Variants in UBN2 observed in about 807,000 individuals in gnomAD.
UBN2 encodes ubinuclein-2.
UBN2 carries 35 observed loss-of-function variants against 120.2 expected under a neutral mutation model. That is an observed-to-expected ratio of 0.29 (90% confidence interval 0.22 to 0.39). The LOEUF is 0.39. UBN2 is among the 10% of genes least tolerant of loss of function. The pLI is 1.00. For missense variants in UBN2, 1,693 were observed against 1,663.2 expected, an observed-to-expected ratio of 1.02 and a Z score of -0.31; for synonymous variants, 661 against 648.7, an observed-to-expected ratio of 1.02 and a Z score of -0.29.
In UBN2 at chr7:139,263,191, T is replaced by C. The variant is rs184078109; in HGVS notation, c.1395+1450T>C. On this transcript the variant is annotated intron_variant, in intron 6 of 17. Transcript: ENST00000473989. The stretch of plus-strand genomic sequence containing the variant: ...ATCAAAATACACAAGACATCCGAAG[T>C]ATTTGCCTCATTTTGTGAATTTAGG... Among the ~76,000 whole-genome samples the C allele has an allele frequency of 6.6e-5, 10 of 152,340 alleles. No homozygotes were observed. The East Asian group carries it at 1.9e-3, about 29-fold the overall frequency.
rs748778664 is a variant in UBN2 at position 139,269,517 on chromosome 7, T to C, written c.1590T>C (p.Asn530=). The part of the protein sequence containing the change: ...LVKRLKKLHL[N]VQDDRLREPL... ...AACGTCTGAAGAAGTTACATCTCAA[T>C]GTCCAGGTAAGAGGAAGAACAATAA... The change falls in exon 8 of 18, where the codon AAT becomes AAC. Residue 530 remains asparagine (N), a synonymous_variant. Transcript: ENST00000473989. The C allele has an allele frequency of 6.2e-7, 1 of 1,613,902 alleles. No individual in the cohort carries two copies. Among genetic ancestry groups the C allele is most frequent in the Admixed American group, 1.7e-5 (1 of 59,966 alleles).
downstream of UBN2, among the ~76,000 whole-genome samples, chr7:139,310,840 A>C (rs1798438345): frequency 6.6e-6 from 1 of 152,178 alleles, no homozygotes; most frequent in Non-Finnish European, 1.5e-5. Context: ...GTTATCTTGG[A>C]GGTTATTTCA....
Position 139,283,754 on chromosome 7 carries a change from C to G in UBN2, c.2849C>G (p.Ser950Cys), listed in dbSNP as rs373781246. The part of the protein sequence containing the change: ...VSPLQATISK[S>C]QTNPVVKLSN... ...CCATTACAGGCCACCATCAGTAAATCCCAGACCAACCCCGTCGTGAAGTTA... is the reference window on the plus strand; with the variant it reads ...CCATTACAGGCCACCATCAGTAAATGCCAGACCAACCCCGTCGTGAAGTTA... The change falls in exon 15 of 18, where the codon TCC becomes TGC. Residue 950 changes from serine (S) to cysteine (C), a missense_variant. By Grantham distance (112) the Ser-to-Cys change is moderately radical (BLOSUM62 -1). This residue lies in a region of UBN2 where 837 missense variants were observed against 817.6 expected (regional missense o/e 1.02). Coordinates refer to ENST00000473989, the MANE Select transcript of UBN2 (RefSeq NM_173569.4). 1 of 1,613,814 alleles carries G rather than the reference C, an allele frequency of 6.2e-7. No homozygotes were observed. Among genetic ancestry groups the G allele is most frequent in the African/African-American group, 1.3e-5 (1 of 75,036 alleles).
In UBN2 at chr7:139,297,901, A is replaced by G. The variant is rs1798155621; in HGVS notation, c.*65A>G. 55 of 1,551,422 alleles carry G rather than the reference A, an allele frequency of 3.5e-5. 1 individual carries two copies. The South Asian group carries it at 5.8e-4, about 16-fold the overall frequency. ...GATGGAATCTACCTGATGGGAAAGT[A>G]CTTATGTGGTCATAGGGCTGCTGTT... is the stretch of plus-strand genomic sequence containing the variant. On this transcript the variant is annotated 3_prime_UTR_variant, in exon 18 of 18. Transcript: ENST00000473989.
intron 14 of UBN2, 34 bp from the exon 15 acceptor site, chr7:139,282,989 AT>A (rs779812502): frequency 7.0e-7 from 1 of 1,430,798 alleles, no homozygotes; most frequent in Non-Finnish European, 9.3e-7. Context: ...TTTATTCACC[AT>A]TTCTATTTTT....
chr7:139,232,597 G>A (rs915208214), intron 1 of UBN2, among the ~76,000 whole-genome samples: 8 of 152,264 alleles, frequency 5.3e-5, no homozygotes, highest in Non-Finnish European at 7.4e-5. Flanking sequence ...TCTCGTGTTG[G>A]TATTGGAAAA....
chr7:139,276,828 C>G (rs1408412976), intron 12 of UBN2: 1 of 153,688 alleles, frequency 6.5e-6, no homozygotes, highest in Non-Finnish European at 1.4e-5. Context: ...CTTTGGGAGG[C>G]TGAGGCGGGT....
the UBN2 span, among the ~76,000 whole-genome samples, chr7:139,329,280 C>G: frequency 6.7e-6 from 1 of 150,056 alleles, no homozygotes; most frequent in African/African-American, 2.5e-5. Flanking sequence ...TGGACCCTGA[C>G]AAGAAGGGTC....
chr7:139,286,068 C>T (rs1015379808), intron 15 of UBN2, among the ~76,000 whole-genome samples: 2 of 152,208 alleles, frequency 1.3e-5, no homozygotes, highest in Non-Finnish European at 2.9e-5. Context: ...GCTGGGATTA[C>T]AGGCATGGGC....
At chr7:139,316,677 G>A in the UBN2 span, among the ~76,000 whole-genome samples, 2 of 152,086 alleles carry the variant, frequency 1.3e-5, no homozygotes, top group African/African-American at 4.8e-5. Flanking sequence ...CCAGGAGGCA[G>A]AGGTTGCAGT....
rs1210436917 is a variant in UBN2 at position 139,279,348 on chromosome 7, A to C, written c.2055A>C (p.Lys685Asn). The change falls in exon 13 of 18, where the codon AAA becomes AAC. Residue 685 changes from lysine to asparagine, a missense_variant. This residue lies in a region of UBN2 where 837 missense variants were observed against 817.6 expected (regional missense o/e 1.02). Coordinates refer to ENST00000473989, the MANE Select transcript of UBN2 (RefSeq NM_173569.4). ...AGAAAAAGGTGATTCCTGCACCTAA[A>C]CCCAAAGTAAAGGTAAGTACTGAAA... is the stretch of plus-strand genomic sequence containing the variant. ...PAKKKVIPAP[K>N]PKVKEVMVKT... 1 of 1,607,292 alleles carries C rather than the reference A, an allele frequency of 6.2e-7. No homozygotes were observed. The highest frequency in any genetic ancestry group is 1.7e-5 in the Admixed American group (1 of 58,122).
rs1797492316 is a variant in UBN2, at chr7:139,277,926, A to G, written c.2025-1392A>G. 2.0e-5 allele frequency among the ~76,000 whole-genome samples: 3 copies of G among 152,220 alleles called. No homozygotes were observed. The South Asian group carries it at 6.2e-4, about 32-fold the overall frequency. ...GTAAGAGATTAACAACAATAATAAA[A>G]GAGAACCGTTTAACAGTATACTATA... On this transcript the variant is annotated intron_variant, in intron 12 of 17. Coordinates refer to ENST00000473989, the MANE Select transcript of UBN2 (RefSeq NM_173569.4).
chr7:139,259,465 G>A, intron 5 of UBN2, 95 bp downstream of exon 5: 1 of 1,500,448 alleles, frequency 6.7e-7, no homozygotes, highest in African/African-American at 1.4e-5. Flanking sequence ...ATTCAACCTA[G>A]CTGAGTCTAA....
rs745457076 is a variant in UBN2, at chr7:139,283,997, T to C, written c.3092T>C (p.Phe1031Ser). The C allele has an allele frequency of 2.3e-5, 37 of 1,613,936 alleles. No individual in the cohort carries two copies. The highest frequency in any genetic ancestry group is 2.9e-5 in the Non-Finnish European group (34 of 1,179,972). ...TCCACGCAGGGTTTCAAATCTCCCT[T>C]CTCGATGGCTGCCTCCCCAAAACTT... is the stretch of plus-strand genomic sequence containing the variant. The part of the protein sequence containing the change: ...QISTQGFKSP[F>S]SMAASPKLAA... The change falls in exon 15 of 18, where the codon TTC (phenylalanine) becomes TCC (serine). Residue 1031 changes from phenylalanine to serine, a missense_variant. Coordinates refer to ENST00000473989, the MANE Select transcript of UBN2 (RefSeq NM_173569.4).
In UBN2 at chr7:139,299,295, C is replaced by G. The variant is rs935059238; in HGVS notation, c.*1459C>G. Reference sequence around the variant, plus strand: ...TAAGCTTCATCCATTTATAATGACACTAACCTAAAAAAAATAGACTGGTAG... The same window carrying G: ...TAAGCTTCATCCATTTATAATGACAGTAACCTAAAAAAAATAGACTGGTAG... On this transcript the variant is annotated 3_prime_UTR_variant, in exon 18 of 18. Coordinates refer to ENST00000473989, the MANE Select transcript of UBN2 (RefSeq NM_173569.4). 2.0e-5 allele frequency: 3 copies of G among 151,968 alleles called. No homozygotes were observed. The highest frequency in any genetic ancestry group is 6.6e-5 in the Admixed American group (1 of 15,242). The allele number at this position is 151,968 out of a possible 1,614,324, so 9.4% of individuals were successfully genotyped here.
chr7:139,288,712 A>G (rs1031764531), intron 15 of UBN2, among the ~76,000 whole-genome samples: 1 of 152,052 alleles, frequency 6.6e-6, no homozygotes, highest in African/African-American at 2.4e-5. Flanking sequence ...TTAAAAAAAA[A>G]TTTAATTGCG....
chr7:139,265,957 A>C (rs1460472742), intron 6 of UBN2, among the ~76,000 whole-genome samples: 1 of 152,140 alleles, frequency 6.6e-6, no homozygotes, highest in Non-Finnish European at 1.5e-5. Context: ...TTGCTATAAT[A>C]GCTGCAGGAA....
chr7:139,291,572 C>T (rs919649853), intron 15 of UBN2, among the ~76,000 whole-genome samples: 3 of 151,990 alleles, frequency 2.0e-5, no homozygotes, highest in Non-Finnish European at 4.4e-5. Flanking sequence ...AAATGTTGGC[C>T]AGGCATGGTG....
At chr7:139,321,649 G>A in the UBN2 span, among the ~76,000 whole-genome samples, 1 of 147,738 alleles carries the variant, frequency 6.8e-6, no homozygotes, top group African/African-American at 2.5e-5. Flanking sequence ...AGCTGGAGAA[G>A]GTGTAGCCTC....
Sources: gnomAD v4.1 joint callset for allele counts (sites outside exome capture counted in the v4.1 genomes callset) on GRCh38, gnomAD v4.1.1 for gene constraint, gnomAD v4.1.1 regional missense constraint, MANE v1.5 for transcripts, NCBI Gene and HGNC (gene_info 2026-07-23, HGNC 2026-07-21) for gene names.